RBFOX1: variants seen among roughly 807,000 people sequenced by gnomAD.
The protein encoded by RBFOX1 is RNA binding protein fox-1 homolog 1.
A neutral mutation model predicts 57.7 loss-of-function variants in RBFOX1; 8 were observed. The observed-to-expected ratio is 0.14, with a 90% confidence interval of 0.08 to 0.25. The LOEUF (loss-of-function observed/expected upper bound fraction) is 0.25. RBFOX1 is among the 10% of genes least tolerant of loss of function. The probability of loss-of-function intolerance (pLI) is 1.00; values close to 1 mark genes in which losing one functional copy is unlikely to be tolerated. For synonymous variants in RBFOX1, 326 were observed against 222.4 expected (o/e 1.47, Z -4.15); for missense variants, 611 against 548.5 (o/e 1.11, Z -1.14).
intron 3 of RBFOX1, among the ~76,000 whole-genome samples, chr16:5,857,724 C>G (rs1051128623): frequency 6.6e-6 from 1 of 151,896 alleles, no homozygotes; most frequent in African/African-American, 2.4e-5. Context: ...GAGTTCAAGA[C>G]CAGCCTGGGC....
intron 1 of RBFOX1, among the ~76,000 whole-genome samples, chr16:6,125,374 A>G (rs1210851062): frequency 6.6e-6 from 1 of 152,186 alleles, no homozygotes; most frequent in Non-Finnish European, 1.5e-5. Context: ...GCAATAGAAT[A>G]GGTGTTGGGA....
At chr16:5,677,835 A>C (rs2050212770) in intron 3 of RBFOX1, among the ~76,000 whole-genome samples, 1 of 152,186 alleles carries the variant, frequency 6.6e-6, no homozygotes, top group South Asian at 2.1e-4. Flanking sequence ...AACGTGTAAA[A>C]GTCTTATGAA....
chr16:6,711,717 T>A (rs1355749515), intron 3 of RBFOX1, among the ~76,000 whole-genome samples: 2 of 152,184 alleles, frequency 1.3e-5, no homozygotes, highest in Non-Finnish European at 2.9e-5. Flanking sequence ...TGTAGCAGTA[T>A]GAGAATGGAC....
chr16:5,967,201 C>T (rs1462297394), intron 4 of RBFOX1, among the ~76,000 whole-genome samples: 2 of 152,110 alleles, frequency 1.3e-5, no homozygotes, highest in African/African-American at 4.8e-5. Flanking sequence ...AAAACATTTG[C>T]CAGTCCCAGG....
chr16:6,438,000 C>G (rs146091534), intron 2 of RBFOX1, among the ~76,000 whole-genome samples: 1 of 152,256 alleles, frequency 6.6e-6, no homozygotes, highest in Non-Finnish European at 1.5e-5. Flanking sequence ...TCCTCTTGGT[C>G]TTGACTCTTG....
At chr16:6,968,269 C>G (rs1029195008) in intron 3 of RBFOX1, among the ~76,000 whole-genome samples, 2 of 152,214 alleles carry the variant, frequency 1.3e-5, no homozygotes, top group African/African-American at 4.8e-5. Context: ...GGCAAGCTGT[C>G]ACTTGGAGAG....
intron 3 of RBFOX1, among the ~76,000 whole-genome samples, chr16:6,859,152 T>C (rs11859545): frequency 0.13 from 9,726 of 75,506 alleles, 1,363 homozygotes; most frequent in African/African-American, 0.34. Context: ...TATATATATA[T>C]GTATATATAT....
intron 1 of RBFOX1, among the ~76,000 whole-genome samples, chr16:5,245,159 G>A (rs987006758): frequency 6.6e-6 from 1 of 152,196 alleles, no homozygotes; most frequent in African/African-American, 2.4e-5. Flanking sequence ...GGATGCAGGC[G>A]AGTCACATGA....
intron 2 of RBFOX1, among the ~76,000 whole-genome samples, chr16:6,517,300 G>C (rs372914029): frequency 1.3e-5 from 2 of 152,158 alleles, no homozygotes; most frequent in East Asian, 1.9e-4. Context: ...AGACATAACT[G>C]TTCTCCCTTC....
intron 3 of RBFOX1, among the ~76,000 whole-genome samples, chr16:6,673,203 A>G (rs1164714863): frequency 1.3e-5 from 2 of 152,140 alleles, no homozygotes; most frequent in Non-Finnish European, 2.9e-5. Context: ...CTTCCAGAGT[A>G]GTCTTCATCC....
intron 1 of RBFOX1, among the ~76,000 whole-genome samples, chr16:6,145,733 C>T (rs1486035669): frequency 2.0e-5 from 3 of 152,030 alleles, no homozygotes; most frequent in Admixed American, 6.6e-5. Context: ...TTTAAAACCT[C>T]AGGAGGAGAA....
intron 3 of RBFOX1, among the ~76,000 whole-genome samples, chr16:6,912,897 G>A (rs531335842): frequency 9.2e-5 from 14 of 152,226 alleles, no homozygotes; most frequent in African/African-American, 3.4e-4. Context: ...TGGGATTACA[G>A]GCATGAGCCA....
chr16:6,220,318 AT>A (rs2097364348), intron 1 of RBFOX1, among the ~76,000 whole-genome samples: 1 of 152,098 alleles, frequency 6.6e-6, no homozygotes, highest in Admixed American at 6.6e-5. Context: ...ATACATGTTC[AT>A]TTTTGTCCCA....
intron 4 of RBFOX1, among the ~76,000 whole-genome samples, chr16:7,116,450 A>T (rs2065919477): frequency 6.6e-6 from 1 of 151,988 alleles, no homozygotes; most frequent in Non-Finnish European, 1.5e-5. Context: ...GCCCATCCCA[A>T]ACTCTCCTCT....
At chr16:6,881,136 G>T (rs901594727) in intron 3 of RBFOX1, among the ~76,000 whole-genome samples, 1 of 152,166 alleles carries the variant, frequency 6.6e-6, no homozygotes, top group Non-Finnish European at 1.5e-5. Flanking sequence ...GCTCCAGGCA[G>T]TGACTATAGA....
chr16:6,301,465 A>G (rs1025082327), intron 1 of RBFOX1, among the ~76,000 whole-genome samples: 2 of 152,170 alleles, frequency 1.3e-5, no homozygotes, highest in African/African-American at 4.8e-5. Context: ...ATTTTTGTGA[A>G]AGATTGAAGC....
chr16:6,993,072 C>T (rs1438065679), intron 3 of RBFOX1, among the ~76,000 whole-genome samples: 2 of 152,066 alleles, frequency 1.3e-5, no homozygotes, highest in African/African-American at 2.4e-5. Flanking sequence ...ACAGTCATTC[C>T]CTAATTTCTT....
intron 1 of RBFOX1, among the ~76,000 whole-genome samples, chr16:6,200,397 A>G (rs949541146): frequency 5.3e-5 from 8 of 152,020 alleles, no homozygotes; most frequent in African/African-American, 1.7e-4. Context: ...AGAGAGAGAG[A>G]GAGAAAGAGA....
chr16:7,445,539 T>A (rs2098801268), intron 4 of RBFOX1, among the ~76,000 whole-genome samples: 1 of 152,202 alleles, frequency 6.6e-6, no homozygotes, highest in African/African-American at 2.4e-5. Context: ...GGTCCATAAA[T>A]CAAGGGATTG....
Sources: allele counts gnomAD v4.1 joint callset (sites outside exome capture counted in the v4.1 genomes callset), GRCh38; gene constraint gnomAD v4.1.1; transcripts MANE v1.5; gene names NCBI Gene and HGNC (gene_info 2026-07-23, HGNC 2026-07-21).